PXDNL: variants seen among roughly 807,000 people sequenced by gnomAD.
PXDNL encodes peroxidasin like.
PXDNL carries 145 observed loss-of-function variants against 150.8 expected under a neutral mutation model. The observed-to-expected ratio is 0.96, with a 90% CI of 0.84 to 1.10. The LOEUF (loss-of-function observed/expected upper bound fraction) is 1.10. Ranked by LOEUF, PXDNL falls within the 50% of genes least tolerant of loss-of-function variation. The pLI, the probability that PXDNL is intolerant of heterozygous loss-of-function variation, is 0.00. For synonymous variants in PXDNL, 757 were observed against 725.7 expected (o/e 1.04, Z -0.69); for missense variants, 2,087 against 1,873.9 (o/e 1.11, Z -2.10).
chr8:51,650,083 CAG>C (rs1158086279), intron 2 of PXDNL, among the ~76,000 whole-genome samples: 1 of 107,730 alleles, frequency 9.3e-6, no homozygotes, highest in African/African-American at 3.8e-5. Flanking sequence ...GCCTCAACAA[CAG>C]AGAGAGACTT....
At chr8:51,399,025 G>T (rs1377234109) in intron 17 of PXDNL, among the ~76,000 whole-genome samples, 2 of 152,116 alleles carry the variant, frequency 1.3e-5, no homozygotes, top group Non-Finnish European at 2.9e-5. Context: ...GAAGATGACA[G>T]TAGAAAGTCT....
At chr8:51,637,774 T>C (rs1381878111) in intron 2 of PXDNL, among the ~76,000 whole-genome samples, 3 of 152,160 alleles carry the variant, frequency 2.0e-5, no homozygotes, top group Admixed American at 6.5e-5. Flanking sequence ...TAGAAAACAC[T>C]CTTCAGGATA....
chr8:51,647,440 C>T (rs1814942692), intron 2 of PXDNL, among the ~76,000 whole-genome samples: 1 of 151,950 alleles, frequency 6.6e-6, no homozygotes, highest in Non-Finnish European at 1.5e-5. Flanking sequence ...CTGGGAGTTC[C>T]CCAAAACGAG....
chr8:51,680,731 T>TGCTC (rs1815726822), intron 1 of PXDNL, among the ~76,000 whole-genome samples: 1 of 152,196 alleles, frequency 6.6e-6, no homozygotes, highest in Non-Finnish European at 1.5e-5. Context: ...GTAGGACTAC[T>TGCTC]GCTCGCTCGC....
At chr8:51,617,251 C>T (rs1174802343) in intron 2 of PXDNL, among the ~76,000 whole-genome samples, 1 of 152,130 alleles carries the variant, frequency 6.6e-6, no homozygotes, top group East Asian at 1.9e-4. Flanking sequence ...TTTAATGGAT[C>T]CATTTCTTAA....
chr8:51,346,563 A>G (rs572284404), intron 19 of PXDNL, among the ~76,000 whole-genome samples: 1 of 152,196 alleles, frequency 6.6e-6, no homozygotes, highest in South Asian at 2.1e-4. Context: ...TCCCCCTCAA[A>G]CCTGCTGTTG....
intron 1 of PXDNL, among the ~76,000 whole-genome samples, chr8:51,731,006 C>CA (rs2130933614): frequency 6.6e-6 from 1 of 152,226 alleles, no homozygotes; most frequent in Non-Finnish European, 1.5e-5. Flanking sequence ...CACAGCCAAC[C>CA]ACATCATTCT....
At chr8:51,349,525 T>C (rs956040909) in intron 19 of PXDNL, among the ~76,000 whole-genome samples, 21 of 152,218 alleles carry the variant, frequency 1.4e-4, no homozygotes, top group African/African-American at 4.8e-4. Flanking sequence ...ACTCCTCACA[T>C]TCTCTGAGAA....
intron 6 of PXDNL, among the ~76,000 whole-genome samples, chr8:51,476,659 T>C (rs1215266654): frequency 2.0e-5 from 3 of 152,150 alleles, no homozygotes; most frequent in South Asian, 2.1e-4. Context: ...GGCGCAGAAA[T>C]GATTAATACT....
chr8:51,401,329 G>A (rs1315136494), intron 17 of PXDNL, among the ~76,000 whole-genome samples: 1 of 152,158 alleles, frequency 6.6e-6, no homozygotes, highest in Non-Finnish European at 1.5e-5. Flanking sequence ...TGGGAGCTAG[G>A]AGAGAGCCTT....
At chr8:51,731,416 C>A (rs1344132926) in intron 1 of PXDNL, among the ~76,000 whole-genome samples, 2 of 152,250 alleles carry the variant, frequency 1.3e-5, no homozygotes, top group East Asian at 1.9e-4. Flanking sequence ...GGCAGCTCCA[C>A]CCCTGTGGCT....
intron 1 of PXDNL, among the ~76,000 whole-genome samples, chr8:51,718,975 C>T (rs1222679166): frequency 6.6e-6 from 1 of 151,702 alleles, no homozygotes; most frequent in Admixed American, 6.5e-5. Flanking sequence ...CCAGCCACCC[C>T]ATCTGGGAGG....
chr8:51,330,661 G>C (rs1296477991), intron 21 of PXDNL, among the ~76,000 whole-genome samples: 4 of 151,968 alleles, frequency 2.6e-5, no homozygotes, highest in Non-Finnish European at 5.9e-5. Context: ...GAGGTACTGG[G>C]GATTAGAACT....
chr8:51,413,473 T>C (rs1224441473), intron 14 of PXDNL, among the ~76,000 whole-genome samples: 1 of 152,186 alleles, frequency 6.6e-6, no homozygotes, highest in Non-Finnish European at 1.5e-5. Context: ...AATAATGTTA[T>C]TTAGGGAATT....
intron 4 of PXDNL, among the ~76,000 whole-genome samples, chr8:51,513,273 A>G (rs926375016): frequency 1.3e-5 from 2 of 152,174 alleles, no homozygotes; most frequent in Non-Finnish European, 2.9e-5. Context: ...GCCTCGGCAT[A>G]AACACTCTGA....
chr8:51,416,627 C>T (rs1172397149), intron 14 of PXDNL, among the ~76,000 whole-genome samples: 2 of 152,272 alleles, frequency 1.3e-5, no homozygotes, highest in Admixed American at 6.5e-5. Flanking sequence ...TGTTTTAAAA[C>T]CTATAGGCAA....
intron 14 of PXDNL, among the ~76,000 whole-genome samples, chr8:51,421,592 G>T (rs868345687): frequency 3.9e-5 from 6 of 152,192 alleles, no homozygotes; most frequent in Middle Eastern, 3.4e-3. Flanking sequence ...CCAGCAACTC[G>T]GGAGGCTGGG....
chr8:51,632,179 C>T (rs1019820250), intron 2 of PXDNL, among the ~76,000 whole-genome samples: 17 of 152,118 alleles, frequency 1.1e-4, no homozygotes, highest in Admixed American at 2.6e-4. Context: ...GATAGTTCTA[C>T]AGTAATAGTT....
At chr8:51,556,646 T>C (rs1475728949) in intron 4 of PXDNL, among the ~76,000 whole-genome samples, 194 bp downstream of exon 4, 1 of 152,200 alleles carries the variant, frequency 6.6e-6, no homozygotes, top group African/African-American at 2.4e-5. Context: ...AGCTGAGTTC[T>C]GTCTGTCTTC....
Sources: allele counts gnomAD v4.1 joint callset (sites outside exome capture counted in the v4.1 genomes callset), GRCh38; gene constraint gnomAD v4.1.1; transcripts MANE v1.5; gene names NCBI Gene and HGNC (gene_info 2026-07-23, HGNC 2026-07-21).